Variants in TUBGCP2 observed in about 807,000 individuals in gnomAD.
TUBGCP2 encodes gamma-tubulin complex component 2.
TUBGCP2 carries 55 observed loss-of-function variants against 92.2 expected under a neutral mutation model. The observed-to-expected ratio is 0.60, with a 90% CI of 0.48 to 0.75. TUBGCP2 has a LOEUF of 0.75. TUBGCP2 is among the 30% of genes least tolerant of loss of function. The pLI is 0.00. For synonymous variants in TUBGCP2, 533 were observed against 505.2 expected, an observed-to-expected ratio of 1.06 and a Z score of -0.74; for missense variants, 1,093 against 1,188.9, an observed-to-expected ratio of 0.92 and a Z score of 1.19.
Position 133,293,753 on chromosome 10 carries a change from G to T in TUBGCP2, c.633C>A (p.Ala211=), listed in dbSNP as rs763519642. ...CCTCCACCACGGCCGACTCCTGCGA[G>T]GCCAGGGGCAACGTGCCTGCGGGCA... The part of the protein sequence containing the change: ...TALPIGTLPL[A]SQESAVVEDL... The change falls in exon 6 of 18, where the codon GCC becomes GCA. Residue 211 remains alanine (A), a synonymous_variant. Coordinates refer to ENST00000252936, the MANE Select transcript of TUBGCP2 (RefSeq NM_006659.4). 7 of 1,592,972 alleles carry T rather than the reference G, an allele frequency of 4.4e-6. No homozygotes were observed. The South Asian group carries it at 6.8e-5, about 16-fold the overall frequency.
At chr10:133,309,624 C>A (rs148221787), upstream of TUBGCP2, 2 of 1,232,102 alleles carry the variant, frequency 1.6e-6, no homozygotes, top group African/African-American at 1.5e-5. Flanking sequence ...ACCACCTAGC[C>A]TGTTTGTGAA....
chr10:133,280,937 G>A (rs111261291), intron 17 of TUBGCP2, among the ~76,000 whole-genome samples: 3,467 of 121,888 alleles, frequency 0.028, no homozygotes, highest in African/African-American at 0.11. Context: ...AGGCTGAGCC[G>A]GGACAGCACT....
chr10:133,308,764 G>C, intron 1 of TUBGCP2, 59 bp downstream of exon 1: 2 of 356,844 alleles, frequency 5.6e-6, no homozygotes, highest in Non-Finnish European at 9.8e-6. Flanking sequence ...GGCCCCCCCG[G>C]GCCTGGCAGT....
chr10:133,310,765 C>T (rs180967844), upstream of TUBGCP2, among the ~76,000 whole-genome samples: 99 of 152,242 alleles, frequency 6.5e-4, no homozygotes, highest in Non-Finnish European at 1.2e-3. Flanking sequence ...TTAACATGTT[C>T]CTGCCTAGAG....
intron 1 of TUBGCP2, among the ~76,000 whole-genome samples, chr10:133,304,223 C>G (rs1267424713): frequency 3.3e-5 from 5 of 152,020 alleles, no homozygotes; most frequent in African/African-American, 1.2e-4. Flanking sequence ...CTTAGCTACT[C>G]GGGAGGCTGA....
chr10:133,289,350 G>A (rs757817990), intron 9 of TUBGCP2, among the ~76,000 whole-genome samples: 10 of 152,192 alleles, frequency 6.6e-5, no homozygotes, highest in African/African-American at 1.9e-4. Flanking sequence ...TATGAGAACC[G>A]GATGGCTAAT....
In TUBGCP2 at chr10:133,285,718, G is replaced by T; in HGVS notation, c.1723-90C>A. On this transcript the variant is annotated intron_variant, in intron 11 of 17. Coordinates refer to ENST00000252936, the MANE Select transcript of TUBGCP2 (RefSeq NM_006659.4). The surrounding 1 kb of genome is among the most constrained non-coding windows in gnomAD (Gnocchi z 6.8). ...ATCGCCATCCTCGCTCACAGACCCA[G>T]CGCTGACGTAAGGTTCCCTACATTC... 7.6e-7 allele frequency: 1 copy of T among 1,309,630 alleles called. No individual in the cohort carries two copies. Among genetic ancestry groups the T allele is most frequent in the Non-Finnish European group, 1.0e-6 (1 of 991,638 alleles). The allele number at this position is 1,309,630 out of a possible 1,614,324, so 81.1% of individuals were successfully genotyped here.
upstream of TUBGCP2, chr10:133,309,294 G>T: frequency 6.8e-7 from 1 of 1,463,296 alleles, no homozygotes; most frequent in Non-Finnish European, 9.2e-7. Context: ...CGGGACCGGA[G>T]CGCGGGATGA....
intron 8 of TUBGCP2, 134 bp from the exon 9 acceptor site, chr10:133,290,103 G>A (rs1031746270): frequency 1.1e-4 from 138 of 1,258,650 alleles, no homozygotes; most frequent in South Asian, 2.4e-4. Flanking sequence ...CACAAGGGCC[G>A]AGCCTAATCT....
At chr10:133,293,881 T>C in intron 5 of TUBGCP2, 112 bp from the exon 6 acceptor site, 1 of 1,105,178 alleles carries the variant, frequency 9.0e-7, no homozygotes, top group Admixed American at 2.0e-5. Flanking sequence ...TTTATGGGTA[T>C]AAAAGGTCAG....
chr10:133,304,403 T>G (rs1246452869), intron 1 of TUBGCP2, among the ~76,000 whole-genome samples: 1 of 152,260 alleles, frequency 6.6e-6, no homozygotes, highest in Non-Finnish European at 1.5e-5. Context: ...ACAAGGGTTC[T>G]TAAGCCGGTA....
chr10:133,289,058 G>C, intron 9 of TUBGCP2, 38 bp from the exon 10 acceptor site: 5 of 1,590,000 alleles, frequency 3.1e-6, no homozygotes, highest in Non-Finnish European at 4.3e-6. Flanking sequence ...TTCTCCACAT[G>C]GTCGATCTCA....
At chr10:133,309,396 G>C (rs1564777740), upstream of TUBGCP2, 1 of 1,611,684 alleles carries the variant, frequency 6.2e-7, no homozygotes, top group Non-Finnish European at 8.5e-7. Flanking sequence ...GCAGGATGGG[G>C]ACGTGCAGCG....
Position 133,302,859 on chromosome 10 carries a change from T to C in TUBGCP2, c.83A>G (p.Tyr28Cys), listed in dbSNP as rs759591266. 1 of 1,613,932 alleles carries C rather than the reference T, an allele frequency of 6.2e-7. No individual in the cohort carries two copies. Among genetic ancestry groups the C allele is most frequent in the Non-Finnish European group, 8.5e-7 (1 of 1,180,004 alleles). ...RVHGGDGAEV[Y>C]IDLLQKNRTP... ...CCTGTTCTTTTGAAGCAGGTCAATG[T>C]AGACCTCAGCCCCATCTCCTCCGTG... The change falls in exon 2 of 18, where the codon TAC (tyrosine) becomes TGC (cysteine). Residue 28 changes from tyrosine (Y) to cysteine (C), a missense_variant. Around this residue, in one of 3 missense-constraint regions of TUBGCP2, gnomAD observed 490 missense variants for 488.5 expected, o/e 1.00. Coordinates refer to ENST00000252936, the MANE Select transcript of TUBGCP2 (RefSeq NM_006659.4).
intron 1 of TUBGCP2, among the ~76,000 whole-genome samples, chr10:133,304,209 T>C (rs1225313471): frequency 2.0e-5 from 3 of 152,232 alleles, no homozygotes; most frequent in East Asian, 1.9e-4. Context: ...CATATGCCTG[T>C]AGTCTTAGCT....
In TUBGCP2 at chr10:133,282,352, G is replaced by T. The variant is rs372509653; in HGVS notation, c.2290-10C>A. 8 of 1,580,874 alleles carry T rather than the reference G, an allele frequency of 5.1e-6. No homozygotes were observed. In the Admixed American group the frequency reaches 1.1e-4, roughly 22 times the overall value. On this transcript the variant is annotated splice_polypyrimidine_tract_variant and intron_variant, in intron 15 of 17. Coordinates refer to ENST00000252936, the MANE Select transcript of TUBGCP2 (RefSeq NM_006659.4). ...TGCTCTGTGTAAATTTCTAGGGGGG[G>T]AGAGTCGCAAGGAAATGCTTCTGTT... is the stretch of plus-strand genomic sequence containing the variant.
At chr10:133,309,055 G>C, upstream of TUBGCP2, 1 of 1,284,040 alleles carries the variant, frequency 7.8e-7, no homozygotes, top group Non-Finnish European at 9.9e-7. Flanking sequence ...TCGCTTCGTT[G>C]CGCGCCCCGT....
chr10:133,312,292 C>A, upstream of TUBGCP2: 1 of 1,234,866 alleles, frequency 8.1e-7, no homozygotes, highest in East Asian at 4.0e-5. Flanking sequence ...GTCTGCCTTT[C>A]TAGCGTCACC....
At chr10:133,292,959 CAG>C (rs1847395898) in intron 7 of TUBGCP2, 78 bp downstream of exon 7, 2 of 1,501,400 alleles carry the variant, frequency 1.3e-6, no homozygotes, top group Non-Finnish European at 1.8e-6. Context: ...ACGGCCCCTG[CAG>C]AGTCTCTCCT....
Sources: allele counts gnomAD v4.1 joint callset (sites outside exome capture counted in the v4.1 genomes callset), GRCh38; gene constraint gnomAD v4.1.1; regional missense constraint gnomAD v4.1.1; non-coding constraint Gnocchi (gnomAD v3.1); transcripts MANE v1.5; gene names NCBI Gene and HGNC (gene_info 2026-07-23, HGNC 2026-07-21).